Variants in USF3 observed in about 807,000 individuals in gnomAD.
USF3 encodes upstream transcription factor family member 3.
A neutral mutation model predicts 157.5 loss-of-function variants in USF3; 29 were observed. That is an observed-to-expected ratio of 0.18 (90% CI 0.14 to 0.25). The LOEUF (loss-of-function observed/expected upper bound fraction) is 0.25. USF3 is among the 10% of genes least tolerant of loss of function. The probability of loss-of-function intolerance (pLI) is 1.00; values close to 1 mark genes in which losing one functional copy is unlikely to be tolerated. For missense variants in USF3, 2,381 were observed against 2,667.6 expected, an observed-to-expected ratio of 0.89 and a Z score of 2.37; for synonymous variants, 893 against 941.4, an observed-to-expected ratio of 0.95 and a Z score of 0.94.
intron 3 of USF3, among the ~76,000 whole-genome samples, chr3:113,674,075 T>C (rs1317705332): frequency 1.3e-5 from 2 of 152,160 alleles, no homozygotes; most frequent in African/African-American, 2.4e-5. Context: ...GAAACATTGC[T>C]AAAGGTGCTA....
chr3:113,672,484 T>C (rs1707181127), intron 4 of USF3, among the ~76,000 whole-genome samples: 1 of 152,070 alleles, frequency 6.6e-6, no homozygotes. Context: ...AGATTAGCTC[T>C]TATGGTCAAA....
At chr3:113,679,914 A>G (rs1056080458) in intron 1 of USF3, among the ~76,000 whole-genome samples, 1 of 150,890 alleles carries the variant, frequency 6.6e-6, no homozygotes, top group African/African-American at 2.4e-5. Context: ...TAAATATACA[A>G]CTGCATGTGA....
chr3:113,674,205 A>G (rs1707226043), intron 3 of USF3, among the ~76,000 whole-genome samples: 2 of 152,230 alleles, frequency 1.3e-5, no homozygotes, highest in Admixed American at 1.3e-4. Context: ...AGCCTAAATC[A>G]ACTTAGGATA....
intron 6 of USF3, 26 bp from the exon 7 acceptor site, chr3:113,661,451 T>C: frequency 1.5e-6 from 2 of 1,315,184 alleles, no homozygotes; most frequent in African/African-American, 1.5e-5. Flanking sequence ...CAAAAATTTA[T>C]AAATACCTGA....
chr3:113,682,857 A>C (rs906945012), intron 1 of USF3, among the ~76,000 whole-genome samples: 2 of 147,570 alleles, frequency 1.4e-5, no homozygotes, highest in Non-Finnish European at 3.0e-5. Flanking sequence ...TCTTCATAAG[A>C]GAAGTGTGTT....
At chr3:113,662,165 TCA>T (rs1947496741) in intron 6 of USF3, among the ~76,000 whole-genome samples, 1 of 152,214 alleles carries the variant, frequency 6.6e-6, no homozygotes, top group African/African-American at 2.4e-5. Context: ...CTTTTATAAA[TCA>T]ATTTAGTTTC....
chr3:113,673,364 C>G lies in USF3; in HGVS notation c.60G>C (p.Arg20=), dbSNP rs911240726. 6.2e-7 allele frequency: 1 copy of G among 1,601,602 alleles called. No individual in the cohort carries two copies. The highest frequency in any genetic ancestry group is 2.2e-5 in the East Asian group (1 of 44,488). Residue 20 remains arginine, a synonymous_variant, in exon 4 of 7, where the codon CGG becomes CGC. Coordinates refer to ENST00000316407, the MANE Select transcript of USF3 (RefSeq NM_001009899.4). ...TGTTTCTACCTGCATTGTGTGTCTC[C>G]CGGTTTTTCTTTCTGAAACAAAAAG... is the stretch of plus-strand genomic sequence containing the variant. ...PTKKQHRKKN[R]ETHNAVERHR...
chr3:113,688,924 G>C (rs569327578), intron 1 of USF3, among the ~76,000 whole-genome samples: 2 of 152,084 alleles, frequency 1.3e-5, no homozygotes, highest in South Asian at 4.1e-4. Flanking sequence ...CCAGCTACTC[G>C]GGAGGCTGAG....
rs1422697038 is a variant in USF3 at position 113,659,074 on chromosome 3, G to A, written c.2608C>T (p.Leu870=). 1 of 1,614,118 alleles carries A rather than the reference G, an allele frequency of 6.2e-7. No homozygotes were observed. Among genetic ancestry groups the A allele is most frequent in the Non-Finnish European group, 8.5e-7 (1 of 1,180,000 alleles). Residue 870 remains leucine, a synonymous_variant, in exon 7 of 7, where the codon CTA becomes TTA. Transcript: ENST00000316407. ...SVSASHSLGV[L]SSESLIPESV... ...TCAGGTATTAATGATTCAGAGCTTA[G>A]AACACCCAAAGAATGTGAAGCAGAA...
intron 4 of USF3, among the ~76,000 whole-genome samples, chr3:113,671,765 C>CTTTTTTTTTTTT: frequency 8.8e-6 from 1 of 113,152 alleles, no homozygotes; most frequent in Non-Finnish European, 1.8e-5. Context: ...TTTCTTCTTC[C>CTTTTTTTTTTTT]TTTTTTTTTT....
rs1947293114 is a variant in USF3 at position 113,653,107 on chromosome 3, G to A, written c.*1837C>T. The stretch of plus-strand genomic sequence containing the variant: ...AAAAGCTGGTCCTTGAGTTCACTTT[G>A]TTAACAAGGCAGATAAAACAATTTC... On this transcript the variant is annotated 3_prime_UTR_variant, in exon 7 of 7. Transcript: ENST00000316407. 1 of 206,676 alleles carries A rather than the reference G, an allele frequency of 4.8e-6. No individual in the cohort carries two copies. The highest frequency in any genetic ancestry group is 1.0e-4 in the South Asian group (1 of 9,926). The allele number at this position is 206,676 out of a possible 1,614,324, so 12.8% of individuals were successfully genotyped here. A position where few individuals can be genotyped will look rare whatever the true frequency, so the allele number is the denominator to read the frequency against.
At chr3:113,681,773 G>A (rs1164142767) in intron 1 of USF3, among the ~76,000 whole-genome samples, 1 of 151,002 alleles carries the variant, frequency 6.6e-6, no homozygotes, top group Non-Finnish European at 1.5e-5. Context: ...AGGCTGGAGT[G>A]CAGTGGTGTG....
chr3:113,667,243 C>G (rs1947584729), intron 5 of USF3, among the ~76,000 whole-genome samples: 1 of 152,196 alleles, frequency 6.6e-6, no homozygotes, highest in Non-Finnish European at 1.5e-5. Context: ...AAGGCAGAAC[C>G]TGATAATTCC....
intron 5 of USF3, among the ~76,000 whole-genome samples, chr3:113,668,902 G>A (rs1382302603): frequency 6.6e-6 from 1 of 152,134 alleles, no homozygotes; most frequent in Non-Finnish European, 1.5e-5. Context: ...GGAGAACAGA[G>A]TGTTCCAGAA....
At chr3:113,689,405 T>C (rs947060926) in intron 1 of USF3, among the ~76,000 whole-genome samples, 2 of 152,236 alleles carry the variant, frequency 1.3e-5, no homozygotes, top group South Asian at 2.1e-4. Context: ...TCAAGTCATC[T>C]GGTCCAAGTT....
intron 1 of USF3, among the ~76,000 whole-genome samples, chr3:113,696,018 T>A (rs915542220): frequency 2.0e-5 from 3 of 152,256 alleles, no homozygotes; most frequent in Admixed American, 1.3e-4. Flanking sequence ...AAAGGCCATC[T>A]GGTGTGAACC....
chr3:113,691,596 C>G (rs552540194), intron 1 of USF3, among the ~76,000 whole-genome samples: 1 of 152,296 alleles, frequency 6.6e-6, no homozygotes, highest in East Asian at 1.9e-4. Context: ...AATAAGACTC[C>G]CTGCACAAGG....
rs1402570687 is a variant in USF3 at position 113,659,600 on chromosome 3, G to A, written c.2082C>T (p.Thr694=). Residue 694 remains threonine (T), a synonymous_variant, in exon 7 of 7, where the codon ACC becomes ACT. Transcript: ENST00000316407. ...NQTPMQIIQP[T]TSEDPNTNVA... ...CATTGGTATTTGGATCTTCGCTGGT[G>A]GTGGGTTGAATAATTTGCATAGGGG... 1 of 1,613,890 alleles carries A rather than the reference G, an allele frequency of 6.2e-7. No homozygotes were observed. Among genetic ancestry groups the A allele is most frequent in the Non-Finnish European group, 8.5e-7 (1 of 1,179,858 alleles).
At chr3:113,678,752 TA>T (rs1707340264) in intron 1 of USF3, among the ~76,000 whole-genome samples, 1 of 152,182 alleles carries the variant, frequency 6.6e-6, no homozygotes, top group Non-Finnish European at 1.5e-5. Context: ...TTTTAATTTT[TA>T]AAAATGTTTT....
Sources: allele counts gnomAD v4.1 joint callset (sites outside exome capture counted in the v4.1 genomes callset), GRCh38; gene constraint gnomAD v4.1.1; transcripts MANE v1.5; gene names NCBI Gene and HGNC (gene_info 2026-07-23, HGNC 2026-07-21).